FAM219A: variants seen among roughly 807,000 people sequenced by gnomAD.
The protein encoded by FAM219A is protein FAM219A.
In FAM219A, 7 loss-of-function variants were observed where a neutral mutation model predicts 23.4. The ratio of observed to expected loss-of-function variants is 0.30; its 90% CI spans 0.17 to 0.56. The LOEUF (loss-of-function observed/expected upper bound fraction) is 0.56. FAM219A is among the 20% of genes least tolerant of loss of function. The pLI is 0.92. For synonymous variants in FAM219A, 93 were observed against 99.0 expected (o/e 0.94, Z 0.36); for missense variants, 166 against 246.9 (o/e 0.67, Z 2.20).
intron 1 of FAM219A, among the ~76,000 whole-genome samples, chr9:34,414,517 T>TTAAAA (rs113158057): frequency 1.7e-4 from 26 of 152,232 alleles, no homozygotes; most frequent in South Asian, 6.2e-4. Flanking sequence ...ATCCCAGAAC[T>TTAAAA]TAAAATAAAA....
At chr9:34,441,874 C>T (rs1030840506) in intron 1 of FAM219A, among the ~76,000 whole-genome samples, 3 of 152,138 alleles carry the variant, frequency 2.0e-5, no homozygotes, top group Non-Finnish European at 4.4e-5. Flanking sequence ...CAGGTGCATG[C>T]CACGATGCCT....
intron 1 of FAM219A, among the ~76,000 whole-genome samples, chr9:34,452,694 C>CA (rs1823599392): frequency 6.6e-6 from 1 of 152,234 alleles, no homozygotes; most frequent in African/African-American, 2.4e-5. Flanking sequence ...TATAACTCTT[C>CA]ATTCATTCCA....
At chr9:34,452,393 A>G (rs572026770) in intron 1 of FAM219A, among the ~76,000 whole-genome samples, 3 of 152,296 alleles carry the variant, frequency 2.0e-5, no homozygotes, top group Admixed American at 6.5e-5. Context: ...TCCCGAGGTG[A>G]TGATGGTCTC....
intron 1 of FAM219A, among the ~76,000 whole-genome samples, chr9:34,442,137 A>T (rs145535399): frequency 2.7e-4 from 41 of 152,378 alleles, no homozygotes; most frequent in African/African-American, 9.4e-4. Flanking sequence ...TGTGGCATAC[A>T]CATCACACCT....
intron 1 of FAM219A, among the ~76,000 whole-genome samples, chr9:34,449,681 C>T (rs531979663): frequency 6.6e-6 from 1 of 152,264 alleles, no homozygotes; most frequent in East Asian, 1.9e-4. Flanking sequence ...AGAGTATTTC[C>T]CATGAAACAC....
At chr9:34,436,743 A>G (rs1286425120) in intron 1 of FAM219A, among the ~76,000 whole-genome samples, 2 of 151,556 alleles carry the variant, frequency 1.3e-5, no homozygotes, top group East Asian at 3.9e-4. Flanking sequence ...TGGGTTTTGA[A>G]TTTAGAAAGA....
At position 34,458,417 on chromosome 9, in the gene FAM219A, C is replaced by CG. The variant is rs1268422735; in HGVS notation, c.-155dup. The CG allele has an allele frequency of 7.5e-6, 3 of 397,674 alleles. No individual in the cohort carries two copies. Among genetic ancestry groups the CG allele is most frequent in the Non-Finnish European group, 1.2e-5 (3 of 244,846 alleles). The allele number at this position is 397,674 out of a possible 1,614,324, so 24.6% of individuals were successfully genotyped here. A position where few individuals can be genotyped will look rare whatever the true frequency, so the allele number is the denominator to read the frequency against. ...GGGGCCGGGCGGATGCAGGGGTGGG[C>CG]GGGGGCGAGAGGTTCGCAGACTGGC... On this transcript the variant is annotated 5_prime_UTR_variant, in exon 1 of 6. Transcript: ENST00000651358. The surrounding 1 kb of genome is among the most constrained non-coding windows in gnomAD (Gnocchi z 6.6).
chr9:34,398,419 A>C lies in FAM219A; in HGVS notation c.*2545T>G. On this transcript the variant is annotated 3_prime_UTR_variant, in exon 6 of 6. Coordinates refer to ENST00000651358, the MANE Select transcript of FAM219A (RefSeq NM_001184940.2). ...ACAAGGGGAAGGGTGGCAGGAGGGC[A>C]AGCTAAGGCCTAGATTCTTCCCTCC... 6.5e-7 allele frequency: 1 copy of C among 1,531,072 alleles called. No individual in the cohort carries two copies. The highest frequency in any genetic ancestry group is 1.2e-5 in the South Asian group (1 of 83,640). The allele number at this position is 1,531,072 out of a possible 1,614,324, so 94.8% of individuals were successfully genotyped here. A position where few individuals can be genotyped will look rare whatever the true frequency, so the allele number is the denominator to read the frequency against.
At chr9:34,453,327 C>T (rs1015846825) in intron 1 of FAM219A, among the ~76,000 whole-genome samples, 3 of 152,162 alleles carry the variant, frequency 2.0e-5, no homozygotes, top group African/African-American at 7.2e-5. Flanking sequence ...AATGTCCCGT[C>T]CTGACCATCC....
intron 1 of FAM219A, among the ~76,000 whole-genome samples, chr9:34,431,381 C>T (rs929327676): frequency 2.0e-5 from 3 of 152,202 alleles, no homozygotes; most frequent in Admixed American, 6.5e-5. Flanking sequence ...CACACACAAA[C>T]TCACACACGC....
At chr9:34,454,071 TG>T (rs1588079368) in intron 1 of FAM219A, among the ~76,000 whole-genome samples, 1 of 152,326 alleles carries the variant, frequency 6.6e-6, no homozygotes, top group East Asian at 1.9e-4. Flanking sequence ...CACTCAGGAT[TG>T]TCTGAAAGAT....
At chr9:34,434,598 T>A (rs1822835630) in intron 1 of FAM219A, among the ~76,000 whole-genome samples, 2 of 152,108 alleles carry the variant, frequency 1.3e-5, no homozygotes, top group Non-Finnish European at 2.9e-5. Context: ...CAGAAAACGA[T>A]AACACAACAA....
intron 1 of FAM219A, among the ~76,000 whole-genome samples, chr9:34,424,188 A>ACC (rs1298991816): frequency 6.6e-6 from 1 of 152,184 alleles, no homozygotes; most frequent in African/African-American, 2.4e-5. Flanking sequence ...CTCTTGTATG[A>ACC]CAAGAGAGAC....
intron 1 of FAM219A, among the ~76,000 whole-genome samples, chr9:34,425,442 T>A (rs1228969634): frequency 6.6e-6 from 1 of 152,200 alleles, no homozygotes; most frequent in Non-Finnish European, 1.5e-5. Context: ...ATCGTGCCAC[T>A]GCACTCCAGC....
chr9:34,412,724 G>A (rs921664253), intron 1 of FAM219A, among the ~76,000 whole-genome samples: 2 of 152,174 alleles, frequency 1.3e-5, no homozygotes, highest in Non-Finnish European at 2.9e-5. Flanking sequence ...TTCAAGTAGA[G>A]TTTCAAGGTG....
At chr9:34,440,288 A>G (rs1204677555) in intron 1 of FAM219A, among the ~76,000 whole-genome samples, 1 of 152,196 alleles carries the variant, frequency 6.6e-6, no homozygotes, top group Admixed American at 6.5e-5. Context: ...TAGGCTGGGT[A>G]GTAGAAGTTG....
At chr9:34,450,943 T>C (rs79175704) in intron 1 of FAM219A, among the ~76,000 whole-genome samples, 3,178 of 152,328 alleles carry the variant, frequency 0.021, 93 homozygotes, top group East Asian at 0.12. Context: ...CCCTCTTGCA[T>C]GCACACTCAC....
At chr9:34,402,550 A>G (rs1418894342) in intron 3 of FAM219A, 83 bp from the exon 4 acceptor site, 5 of 1,580,850 alleles carry the variant, frequency 3.2e-6, no homozygotes, top group African/African-American at 2.7e-5. Context: ...CCGTCCCACC[A>G]CTTTCTTCCC....
Position 34,398,872 on chromosome 9 carries a change from T to G in FAM219A, c.*2092A>C, listed in dbSNP as rs1588024672. On this transcript the variant is annotated 3_prime_UTR_variant, in exon 6 of 6. Transcript: ENST00000651358. ...GTATGGGCCTTGTGGGTCCTGCAGG[T>G]ACCTTCTCTGTCCTTGCCTCCCTTT... is the stretch of plus-strand genomic sequence containing the variant. The G allele has an allele frequency of 6.2e-6, 1 of 161,730 alleles. No individual in the cohort carries two copies. Among genetic ancestry groups the G allele is most frequent in the Non-Finnish European group, 1.4e-5 (1 of 73,108 alleles). 10.0% of individuals were successfully genotyped at this position (161,730 alleles called of 1,614,324 possible).
Sources: allele counts gnomAD v4.1 joint callset (sites outside exome capture counted in the v4.1 genomes callset), GRCh38; gene constraint gnomAD v4.1.1; non-coding constraint Gnocchi (gnomAD v3.1); transcripts MANE v1.5; gene names NCBI Gene and HGNC (gene_info 2026-07-23, HGNC 2026-07-21).